ZZZ3: variants seen among roughly 807,000 people sequenced by gnomAD.
ZZZ3 encodes the protein zinc finger ZZ-type containing 3.
Under a neutral mutation model 95.2 loss-of-function variants are expected in ZZZ3, and 22 were observed. The ratio of observed to expected loss-of-function variants is 0.23; its 90% CI spans 0.17 to 0.33. The LOEUF (loss-of-function observed/expected upper bound fraction) is 0.33, where lower values mean the gene tolerates loss of function less well. Ranked by LOEUF, ZZZ3 falls within the 10% of genes least tolerant of loss-of-function variation. The pLI is 1.00. For synonymous variants in ZZZ3, 335 were observed against 358.9 expected, an observed-to-expected ratio of 0.93 and a Z score of 0.75; for missense variants, 885 against 1,066.5, an observed-to-expected ratio of 0.83 and a Z score of 2.37.
intron 5 of ZZZ3, among the ~76,000 whole-genome samples, chr1:77,618,909 T>G (rs1236224469): frequency 1.3e-5 from 2 of 152,236 alleles, no homozygotes; most frequent in Non-Finnish European, 2.9e-5. Flanking sequence ...GGAACAGACC[T>G]TAAAAGATGA....
intron 1 of ZZZ3, among the ~76,000 whole-genome samples, chr1:77,679,225 C>T (rs890035199): frequency 3.3e-5 from 5 of 152,142 alleles, no homozygotes; most frequent in Admixed American, 6.5e-5. Context: ...CTAGTAAATA[C>T]TACTATAAAA....
intron 5 of ZZZ3, among the ~76,000 whole-genome samples, chr1:77,591,222 G>T (rs1164940935): frequency 6.6e-6 from 1 of 152,204 alleles, no homozygotes. Flanking sequence ...ATAATAAGAT[G>T]CTTTCTCTTC....
At chr1:77,637,397 A>AT (rs906070897) in intron 4 of ZZZ3, among the ~76,000 whole-genome samples, 1 of 152,108 alleles carries the variant, frequency 6.6e-6, no homozygotes, top group Non-Finnish European at 1.5e-5. Flanking sequence ...CCCTCTGATC[A>AT]TTTTTTTCTG....
chr1:77,669,777 T>G (rs916058375), intron 1 of ZZZ3, among the ~76,000 whole-genome samples: 36 of 152,000 alleles, frequency 2.4e-4, no homozygotes, highest in Non-Finnish European at 2.8e-4. Context: ...TCTTAAAAGT[T>G]TAAAAAGGTT....
intron 1 of ZZZ3, among the ~76,000 whole-genome samples, chr1:77,665,293 G>A (rs553800797): frequency 6.6e-6 from 1 of 152,220 alleles, no homozygotes; most frequent in African/African-American, 2.4e-5. Flanking sequence ...AAACCACCTA[G>A]ACAAAGACAG....
chr1:77,582,308 G>A (rs926855447), intron 6 of ZZZ3, among the ~76,000 whole-genome samples, 182 bp from the exon 7 acceptor site: 1 of 152,144 alleles, frequency 6.6e-6, no homozygotes, highest in Admixed American at 6.5e-5. Flanking sequence ...AAATGCTAAA[G>A]ATGATAAGTA....
chr1:77,654,524 T>C (rs1434971862), intron 1 of ZZZ3, among the ~76,000 whole-genome samples: 2 of 152,198 alleles, frequency 1.3e-5, no homozygotes, highest in African/African-American at 2.4e-5. Context: ...TAATACACCA[T>C]GACCAAATGA....
chr1:77,605,287 G>T (rs1665123601), intron 5 of ZZZ3, among the ~76,000 whole-genome samples: 1 of 152,208 alleles, frequency 6.6e-6, no homozygotes, highest in African/African-American at 2.4e-5. Context: ...CATCACAGTA[G>T]AAAGCAAAAC....
intron 5 of ZZZ3, among the ~76,000 whole-genome samples, chr1:77,629,451 C>T (rs928911052): frequency 6.6e-6 from 1 of 152,094 alleles, no homozygotes; most frequent in Non-Finnish European, 1.5e-5. Flanking sequence ...ACCCCTGTCT[C>T]AATTAAAATT....
intron 1 of ZZZ3, among the ~76,000 whole-genome samples, chr1:77,668,318 T>G (rs192098010): frequency 1.3e-5 from 2 of 152,158 alleles, no homozygotes; most frequent in East Asian, 1.9e-4. Flanking sequence ...CAAGACAGCA[T>G]AGAATGATCA....
intron 5 of ZZZ3, among the ~76,000 whole-genome samples, chr1:77,586,550 C>T (rs1217222140): frequency 6.6e-6 from 1 of 152,080 alleles, no homozygotes; most frequent in African/African-American, 2.4e-5. Context: ...CAACAAATTA[C>T]CACAATTTTA....
intron 6 of ZZZ3, 67 bp downstream of exon 6, chr1:77,584,446 GAATT>G: frequency 6.8e-7 from 1 of 1,470,140 alleles, no homozygotes; most frequent in Non-Finnish European, 9.1e-7. Context: ...CCATAAAAAA[GAATT>G]AACCAAATTC....
chr1:77,615,560 A>AG (rs1223493811), intron 5 of ZZZ3, among the ~76,000 whole-genome samples: 2 of 152,230 alleles, frequency 1.3e-5, no homozygotes, highest in Non-Finnish European at 2.9e-5. Flanking sequence ...AGTCACATTT[A>AG]GTTCAGGTTA....
At chr1:77,566,866 T>C (rs1660880153) in intron 13 of ZZZ3, among the ~76,000 whole-genome samples, 1 of 152,240 alleles carries the variant, frequency 6.6e-6, no homozygotes, top group Non-Finnish European at 1.5e-5. Context: ...GGATCTATCA[T>C]TTCTAGTTTC....
intron 1 of ZZZ3, among the ~76,000 whole-genome samples, chr1:77,664,306 T>C (rs1671073278): frequency 6.6e-6 from 1 of 152,184 alleles, no homozygotes; most frequent in Non-Finnish European, 1.5e-5. Flanking sequence ...AGGAGATGAC[T>C]TTCTCCCCTC....
chr1:77,568,560 T>A, intron 12 of ZZZ3, 94 bp from the exon 13 acceptor site: 1 of 682,606 alleles, frequency 1.5e-6, no homozygotes, highest in Non-Finnish European at 2.3e-6. Context: ...TCTACTGATA[T>A]TTTTCATTTT....
At chr1:77,656,788 C>T (rs1359429625) in intron 1 of ZZZ3, among the ~76,000 whole-genome samples, 1 of 152,128 alleles carries the variant, frequency 6.6e-6, no homozygotes, top group African/African-American at 2.4e-5. Flanking sequence ...ATTTCAAAAT[C>T]CCTAAGTGCC....
chr1:77,579,012 C>A, intron 10 of ZZZ3, 143 bp from the exon 11 acceptor site: 1 of 422,090 alleles, frequency 2.4e-6, no homozygotes, highest in Non-Finnish European at 4.1e-6. Flanking sequence ...CAATAAACTG[C>A]CACCAAATAC....
chr1:77,574,368 A>G, intron 12 of ZZZ3, among the ~76,000 whole-genome samples: 1 of 152,080 alleles, frequency 6.6e-6, no homozygotes, highest in South Asian at 2.1e-4. Context: ...AAGGAGATAC[A>G]TATTTAAGAT....
Sources: gnomAD v4.1 joint callset for allele counts (sites outside exome capture counted in the v4.1 genomes callset) on GRCh38, gnomAD v4.1.1 for gene constraint, MANE v1.5 for transcripts, NCBI Gene and HGNC (gene_info 2026-07-23, HGNC 2026-07-21) for gene names.